Variants in TDG observed in about 807,000 individuals in gnomAD.
TDG encodes thymine DNA glycosylase, also known as G/T mismatch-specific thymine DNA glycosylase.
Under a neutral mutation model 46.1 loss-of-function variants are expected in TDG, and 23 were observed. That is an observed-to-expected ratio of 0.50 (90% CI 0.36 to 0.71). TDG has a LOEUF of 0.71. Among genes scored for constraint, TDG ranks in the 30% least tolerant of loss-of-function variants. TDG has a pLI of 0.00. For synonymous variants in TDG, 115 were observed against 161.3 expected (o/e 0.71, Z 2.18); for missense variants, 304 against 486.7 (o/e 0.62, Z 3.53).
At chr12:103,966,120 G>GGCGC (rs371681998) in intron 1 of TDG, 60 bp downstream of exon 1, 645 of 1,364,504 alleles carry the variant, frequency 4.7e-4, no homozygotes, top group Non-Finnish European at 5.9e-4. Flanking sequence ...CAGGCTGGCT[G>GGCGC]GCGCGCGCGC....
rs957071051 is a variant in TDG, at chr12:103,972,319, A to G, written c.24-4599A>G. The stretch of plus-strand genomic sequence containing the variant: ...TTTTTAGTAGAGATGGGGTTTCACC[A>G]TGTTGGCCAGGCCGGTCTCGAACTC... On this transcript the variant is annotated intron_variant, in intron 1 of 9. Transcript: ENST00000392872. 2.0e-5 allele frequency among the ~76,000 whole-genome samples: 3 copies of G among 152,150 alleles called. No individual in the cohort carries two copies. In the East Asian group the frequency reaches 5.8e-4, roughly 29 times the overall value.
intron 1 of TDG, 130 bp downstream of exon 1, chr12:103,966,190 C>A: frequency 7.9e-7 from 1 of 1,263,280 alleles, no homozygotes; most frequent in Non-Finnish European, 1.0e-6. Context: ...CGCGCGTGCG[C>A]ACTGTGGCCT....
In TDG at chr12:103,982,921, AAAG is replaced by A; in HGVS notation, c.603_605del (p.Lys201_Asp202delinsAsn). The stretch of plus-strand genomic sequence containing the variant: ...GGTGGAAAGGACCACGCCCGGCAGC[AAAG>A]ATCTCTCCAGGTAAGTACACAGCAT... On this transcript the variant is annotated inframe_deletion, in exon 5 of 10. Transcript: ENST00000392872. 6.2e-7 allele frequency: 1 copy of A among 1,614,200 alleles called. No homozygotes were observed. The highest frequency in any genetic ancestry group is 8.5e-7 in the Non-Finnish European group (1 of 1,180,032).
Position 103,966,023 on chromosome 12 carries a change from C to T in TDG, c.-15C>T, listed in dbSNP as rs55934318. On this transcript the variant is annotated 5_prime_UTR_variant, in exon 1 of 10. Transcript: ENST00000392872. ...GCCCGGCAGGTGGAGCCGCCCGCAT[C>T]AGCGGCCTCGGGGAATGGAAGCGGA... 66 of 1,596,142 alleles carry T rather than the reference C, an allele frequency of 4.1e-5. No homozygotes were observed. In the East Asian group the frequency reaches 1.4e-3, roughly 33 times the overall value.
chr12:103,987,858 T>C lies in TDG; in HGVS notation c.*768T>C, dbSNP rs1388902840. ...ATTTCTCCATTCATATTTATAACCA[T>C]TCTAGTTTTATCTTCCTTGGCTTTA... On this transcript the variant is annotated 3_prime_UTR_variant, in exon 10 of 10. Coordinates refer to ENST00000392872, the MANE Select transcript of TDG (RefSeq NM_003211.6). 1.3e-5 allele frequency: 2 copies of C among 152,636 alleles called. No individual in the cohort carries two copies. Among genetic ancestry groups the C allele is most frequent in the Non-Finnish European group, 2.9e-5 (2 of 68,026 alleles). The allele number at this position is 152,636 out of a possible 1,614,324, so 9.5% of individuals were successfully genotyped here.
chr12:103,970,542 G>A (rs1871243147), intron 1 of TDG, among the ~76,000 whole-genome samples: 2 of 151,888 alleles, frequency 1.3e-5, no homozygotes, highest in African/African-American at 2.4e-5. Context: ...AAAGAAGTTG[G>A]AGTCATTAAT....
intron 9 of TDG, 21 bp from the exon 10 acceptor site, chr12:103,986,926 CT>C (rs1593520689): frequency 1.5e-6 from 2 of 1,339,600 alleles, no homozygotes; most frequent in Non-Finnish European, 9.6e-7. Flanking sequence ...CATAAACTAA[CT>C]TTGTTTTTCT....
At chr12:103,986,387 C>T (rs1792543006) in intron 9 of TDG, 1 of 152,278 alleles carries the variant, frequency 6.6e-6, no homozygotes, top group African/African-American at 2.4e-5. Flanking sequence ...CTGTTAAAAT[C>T]TCCTACTTTG....
At chr12:103,985,099 CTA>C (rs1431216020) in intron 8 of TDG, among the ~76,000 whole-genome samples, 179 bp downstream of exon 8, 1 of 147,782 alleles carries the variant, frequency 6.8e-6, no homozygotes, top group Admixed American at 6.7e-5. Context: ...GTATGTATGT[CTA>C]TATACATATA....
chr12:103,977,176 T>TTAAGTGCTTAGCACATAC, intron 2 of TDG, 116 bp downstream of exon 2: 1 of 1,403,448 alleles, frequency 7.1e-7, no homozygotes, highest in Non-Finnish European at 9.6e-7. Context: ...AATCCACTTT[T>TTAAGTGCTTAGCACATAC]TAAGTACTTA....
At chr12:103,984,994 CACATATACATATAT>C (rs1351668822) in intron 8 of TDG, 74 bp downstream of exon 8, 12 of 1,186,504 alleles carry the variant, frequency 1.0e-5, no homozygotes, top group Admixed American at 5.2e-5. Flanking sequence ...CATATATATA[CACATATACATATAT>C]ACATATACAC....
At chr12:103,981,871 G>T (rs1727690084) in intron 4 of TDG, among the ~76,000 whole-genome samples, 1 of 152,094 alleles carries the variant, frequency 6.6e-6, no homozygotes, top group South Asian at 2.1e-4. Context: ...AAAATTAGCT[G>T]AGTGCTGTGG....
At position 103,966,002 on chromosome 12, in the gene TDG, G is replaced by C; in HGVS notation, c.-36G>C. The C allele has an allele frequency of 6.3e-7, 1 of 1,590,060 alleles. No individual in the cohort carries two copies. Among genetic ancestry groups the C allele is most frequent in the South Asian group, 1.1e-5 (1 of 88,076 alleles). On this transcript the variant is annotated 5_prime_UTR_variant, in exon 1 of 10. Coordinates refer to ENST00000392872, the MANE Select transcript of TDG (RefSeq NM_003211.6). ...ACAGAGACCGGCTGCCCGTGTGCCCGGCAGGTGGAGCCGCCCGCATCAGCG... is the reference window on the plus strand; with the variant it reads ...ACAGAGACCGGCTGCCCGTGTGCCCCGCAGGTGGAGCCGCCCGCATCAGCG...
chr12:103,967,116 A>ATC (rs528305801), intron 1 of TDG, among the ~76,000 whole-genome samples: 2 of 152,198 alleles, frequency 1.3e-5, no homozygotes, highest in African/African-American at 4.8e-5. Flanking sequence ...ATTTGTGGAA[A>ATC]TCTCTCTCTC....
At chr12:103,972,562 C>T (rs4135066) in intron 1 of TDG, among the ~76,000 whole-genome samples, 115,936 of 152,162 alleles carry the variant, frequency 0.76, 44,432 homozygotes, top group East Asian at 1. Flanking sequence ...GGTAAACAAA[C>T]TAAGTTTAAT....
intron 4 of TDG, 142 bp from the exon 5 acceptor site, chr12:103,982,657 C>T: frequency 1.4e-6 from 1 of 698,700 alleles, no homozygotes; most frequent in Non-Finnish European, 2.3e-6. Context: ...TCCAGCCACT[C>T]AGGAGGCTGA....
At chr12:103,982,766 A>G (rs1221243199) in intron 4 of TDG, 33 bp from the exon 5 acceptor site, 1 of 1,610,564 alleles carries the variant, frequency 6.2e-7, no homozygotes, top group Admixed American at 1.7e-5. Context: ...CCCTGTCTAA[A>G]AAAAAATAAA....
At chr12:103,976,692 C>T (rs572026041) in intron 1 of TDG, among the ~76,000 whole-genome samples, 63 of 152,260 alleles carry the variant, frequency 4.1e-4, no homozygotes, top group African/African-American at 1.5e-3. Context: ...CACATCTTAT[C>T]ATTTAAACAG....
chr12:103,981,028 G>GA, intron 4 of TDG, 66 bp downstream of exon 4: 1 of 1,405,696 alleles, frequency 7.1e-7, no homozygotes, highest in Non-Finnish European at 9.9e-7. Context: ...GGTTTTTTCA[G>GA]AAAAACCAAT....
Sources: gnomAD v4.1 joint callset for allele counts (sites outside exome capture counted in the v4.1 genomes callset) on GRCh38, gnomAD v4.1.1 for gene constraint, MANE v1.5 for transcripts, NCBI Gene and HGNC (gene_info 2026-07-23, HGNC 2026-07-21) for gene names.